BARD1: variants seen among roughly 807,000 people sequenced by gnomAD.
The protein encoded by BARD1 is BRCA1 associated RING domain 1, also known as BRCA1-associated RING domain protein 1.
A neutral mutation model predicts 77.0 loss-of-function variants in BARD1; 73 were observed. That is an observed-to-expected ratio of 0.95 (90% confidence interval 0.79 to 1.15). The LOEUF (loss-of-function observed/expected upper bound fraction) is 1.15, where lower values mean the gene tolerates loss of function less well. Among genes scored for constraint, BARD1 ranks in the 50% most tolerant of loss-of-function variants. The pLI is 0.00. For synonymous variants in BARD1, 384 were observed against 338.0 expected (o/e 1.14, Z -1.49); for missense variants, 993 against 938.8 (o/e 1.06, Z -0.75).
At chr2:214,738,098 G>C (rs1056564280) in intron 9 of BARD1, among the ~76,000 whole-genome samples, 1 of 152,104 alleles carries the variant, frequency 6.6e-6, no homozygotes, top group Admixed American at 6.5e-5. Context: ...AATGTGTCAA[G>C]CCACTAACCT....
chr2:214,778,194 C>T (rs13422288), intron 4 of BARD1, among the ~76,000 whole-genome samples: 74,201 of 146,506 alleles, frequency 0.51, 19,702 homozygotes, highest in Non-Finnish European at 0.59. Flanking sequence ...AGACTCTGTC[C>T]CCCGCCCCTC....
intron 1 of BARD1, 64 bp from the exon 2 acceptor site, chr2:214,797,181 T>C (rs1437398284): frequency 3.1e-6 from 4 of 1,290,070 alleles, no homozygotes; most frequent in Admixed American, 3.4e-5. Flanking sequence ...TCACACCCAA[T>C]ATTTCATCCA....
chr2:214,809,592 C>T lies in BARD1; in HGVS notation c.-23G>A, dbSNP rs759335451. On this transcript the variant is annotated 5_prime_UTR_variant, in exon 1 of 11. Transcript: ENST00000260947. ...CATCGTCCCGCCTTCGGATGAAAGG[C>T]TCCTCGCAGAGCGGGAAGCAAGGAA... 11 of 1,534,000 alleles carry T rather than the reference C, an allele frequency of 7.2e-6. No homozygotes were observed. Among genetic ancestry groups the T allele is most frequent in the African/African-American group, 4.1e-5 (3 of 72,996 alleles).
At chr2:214,729,513 A>G (rs1213461330) in intron 10 of BARD1, among the ~76,000 whole-genome samples, 1 of 152,222 alleles carries the variant, frequency 6.6e-6, no homozygotes, top group East Asian at 1.9e-4. Context: ...TACTAACTGG[A>G]TCAAGAAAAA....
chr2:214,804,194 A>G (rs1036242339), intron 1 of BARD1, among the ~76,000 whole-genome samples: 34 of 152,236 alleles, frequency 2.2e-4, no homozygotes, highest in Non-Finnish European at 4.7e-4. Flanking sequence ...TATCTTTAGA[A>G]GAATAAAGTG....
intron 3 of BARD1, among the ~76,000 whole-genome samples, chr2:214,785,169 T>C (rs931843080): frequency 5.9e-5 from 9 of 152,054 alleles, no homozygotes; most frequent in African/African-American, 2.2e-4. Context: ...AGTATATTCA[T>C]AAATAAAAAT....
rs138306613 is a variant in BARD1 at position 214,727,009 on chromosome 2, A to G, written c.*1667T>C. On this transcript the variant is annotated 3_prime_UTR_variant, in exon 11 of 11. Coordinates refer to ENST00000260947, the MANE Select transcript of BARD1 (RefSeq NM_000465.4). Reference sequence around the variant, plus strand: ...TTATAAATAAAAAATGACAACCAAAATCCTAGAGAGTCTTAAATTATTTAA... The same window carrying G: ...TTATAAATAAAAAATGACAACCAAAGTCCTAGAGAGTCTTAAATTATTTAA... The G allele has an allele frequency of 1.9e-5, 4 of 206,708 alleles. No individual in the cohort carries two copies. Among genetic ancestry groups the G allele is most frequent in the African/African-American group, 5.6e-5 (2 of 35,828 alleles). The allele number at this position is 206,708 out of a possible 1,614,324, so 12.8% of individuals were successfully genotyped here.
In BARD1 at chr2:214,794,739, T is replaced by C. The variant is rs1025514232; in HGVS notation, c.216-2294A>G. 2.6e-5 allele frequency among the ~76,000 whole-genome samples: 4 copies of C among 152,200 alleles called. No homozygotes were observed. In the South Asian group the frequency reaches 6.2e-4, roughly 24 times the overall value. On this transcript the variant is annotated intron_variant, in intron 2 of 10. Transcript: ENST00000260947. ...AGAGTAGATGAATTACCTTTATCAGTTGAACTGAGCTATGTCAAATCATTT... is the reference window on the plus strand; with the variant it reads ...AGAGTAGATGAATTACCTTTATCAGCTGAACTGAGCTATGTCAAATCATTT...
chr2:214,784,282 CTCA>C (rs1403121339), intron 3 of BARD1, among the ~76,000 whole-genome samples: 2 of 152,028 alleles, frequency 1.3e-5, no homozygotes, highest in African/African-American at 4.8e-5. Context: ...GAAAAAAAAG[CTCA>C]TCATCATCAT....
intron 1 of BARD1, among the ~76,000 whole-genome samples, chr2:214,803,876 T>C (rs1164743477): frequency 1.3e-5 from 2 of 152,172 alleles, no homozygotes; most frequent in African/African-American, 4.8e-5. Context: ...AGAGGATAAC[T>C]TAGGGAAGAA....
At chr2:214,765,412 T>A (rs1399691965) in intron 6 of BARD1, among the ~76,000 whole-genome samples, 1 of 152,186 alleles carries the variant, frequency 6.6e-6, no homozygotes, top group African/African-American at 2.4e-5. Context: ...TCATTAATCC[T>A]CACTATGCTC....
intron 4 of BARD1, among the ~76,000 whole-genome samples, chr2:214,772,132 A>AT (rs11435361): frequency 0.18 from 27,395 of 151,734 alleles, 2,646 homozygotes; most frequent in East Asian, 0.41. Flanking sequence ...TGCCCAGCTA[A>AT]TTTTTTTTAT....
At chr2:214,744,048 G>A (rs908652536) in intron 9 of BARD1, among the ~76,000 whole-genome samples, 1 of 152,140 alleles carries the variant, frequency 6.6e-6, no homozygotes, top group Non-Finnish European at 1.5e-5. Context: ...TCAATCCACT[G>A]TTCTATGTTA....
chr2:214,735,637 T>C (rs1186532929), intron 9 of BARD1, among the ~76,000 whole-genome samples: 1 of 152,156 alleles, frequency 6.6e-6, no homozygotes, highest in Non-Finnish European at 1.5e-5. Context: ...TGAACCTAAA[T>C]CTGCTTAGTT....
At chr2:214,741,013 T>C (rs1433063180) in intron 9 of BARD1, among the ~76,000 whole-genome samples, 5 of 152,124 alleles carry the variant, frequency 3.3e-5, no homozygotes, top group Admixed American at 3.3e-4. Context: ...TTAGAATTTG[T>C]TTGAAAAGAA....
rs78595088 is a variant in BARD1 at position 214,805,703 on chromosome 2, T to C, written c.158+3709A>G. ...GATTCCACACATTTAACATCTACAC[T>C]ATGCTGCCTCAAAGTATGAGAGAAT... On this transcript the variant is annotated intron_variant, in intron 1 of 10. Transcript: ENST00000260947. Among the ~76,000 whole-genome samples, 347 of 152,106 alleles carry C rather than the reference T, an allele frequency of 2.3e-3. 5 individuals are homozygous for C. The highest frequency in any genetic ancestry group is 8.0e-3 in the African/African-American group (331 of 41,498).
intron 10 of BARD1, among the ~76,000 whole-genome samples, chr2:214,729,241 C>T (rs192064905): frequency 6.6e-6 from 1 of 152,250 alleles, no homozygotes; most frequent in African/African-American, 2.4e-5. Flanking sequence ...TTCTTGTACA[C>T]CTTATGCACA....
chr2:214,805,234 C>A (rs1022377353), intron 1 of BARD1, among the ~76,000 whole-genome samples: 18 of 152,242 alleles, frequency 1.2e-4, no homozygotes, highest in Non-Finnish European at 1.5e-4. Context: ...TACCCAAGTA[C>A]TCTTCTCAGC....
intron 6 of BARD1, among the ~76,000 whole-genome samples, chr2:214,757,845 T>G (rs1199111176): frequency 6.6e-6 from 1 of 151,912 alleles, no homozygotes; most frequent in Non-Finnish European, 1.5e-5. Context: ...GAAAAGCGGG[T>G]ACACAAACAG....
Sources: gnomAD v4.1 joint callset for allele counts (sites outside exome capture counted in the v4.1 genomes callset) on GRCh38, gnomAD v4.1.1 for gene constraint, MANE v1.5 for transcripts, NCBI Gene and HGNC (gene_info 2026-07-23, HGNC 2026-07-21) for gene names.